SAMMSON: variants seen among roughly 807,000 people sequenced by gnomAD.
The protein encoded by SAMMSON is survival associated mitochondrial melanoma specific oncogenic non-coding RNA.
intron 2 of SAMMSON, among the ~76,000 whole-genome samples, chr3:70,419,210 T>C (rs1293476227): frequency 6.6e-6 from 1 of 151,686 alleles, no homozygotes; most frequent in Admixed American, 6.6e-5. Context: ...TTTTTTTTTC[T>C]TTTGAAGAGA....
At chr3:70,045,569 C>G (rs948034472) in intron 3 of SAMMSON, among the ~76,000 whole-genome samples, 5 of 151,560 alleles carry the variant, frequency 3.3e-5, no homozygotes, top group Admixed American at 2.6e-4. Context: ...TATATATTTT[C>G]TTAAAAATAT....
chr3:70,256,559 A>G (rs1701818379), intron 6 of SAMMSON, among the ~76,000 whole-genome samples: 2 of 152,200 alleles, frequency 1.3e-5, no homozygotes, highest in Admixed American at 1.3e-4. Flanking sequence ...AATTAATACA[A>G]TATTGGAAAA....
At chr3:70,039,688 T>A (rs1285112674) in intron 3 of SAMMSON, among the ~76,000 whole-genome samples, 1 of 151,380 alleles carries the variant, frequency 6.6e-6, no homozygotes. Context: ...AATATGCCTA[T>A]TGGAAGTCTC....
At chr3:70,142,535 G>A in intron 4 of SAMMSON, among the ~76,000 whole-genome samples, 1 of 152,044 alleles carries the variant, frequency 6.6e-6, no homozygotes, top group Non-Finnish European at 1.5e-5. Flanking sequence ...GGGACTTAGG[G>A]GGAAAGGGTG....
chr3:70,114,464 C>G (rs1365470986), intron 4 of SAMMSON, among the ~76,000 whole-genome samples: 1 of 152,158 alleles, frequency 6.6e-6, no homozygotes. Flanking sequence ...TTTATGCAAA[C>G]AGGCAATAAA....
chr3:70,395,625 G>A (rs779476488), intron 2 of SAMMSON, among the ~76,000 whole-genome samples: 3 of 152,016 alleles, frequency 2.0e-5, no homozygotes, highest in Admixed American at 6.6e-5. Flanking sequence ...TAAACTTTTT[G>A]TGACAACCCC....
intron 7 of SAMMSON, among the ~76,000 whole-genome samples, chr3:70,330,683 T>A (rs1320225041): frequency 6.6e-6 from 1 of 152,120 alleles, no homozygotes; most frequent in Non-Finnish European, 1.5e-5. Context: ...AGTAACCAAG[T>A]GAAGTATACG....
At chr3:70,390,792 A>C (rs1483664896), downstream of SAMMSON, among the ~76,000 whole-genome samples, 1 of 152,160 alleles carries the variant, frequency 6.6e-6, no homozygotes, top group African/African-American at 2.4e-5. Context: ...TTCACAGAAA[A>C]TAGTAAGGTA....
At chr3:70,182,891 G>T (rs1297755439) in intron 4 of SAMMSON, among the ~76,000 whole-genome samples, 1 of 127,292 alleles carries the variant, frequency 7.9e-6, no homozygotes, top group Non-Finnish European at 1.8e-5. Flanking sequence ...TAATTTCAAA[G>T]GACTAATGAC....
At chr3:70,425,638 C>A (rs1002771317) in intron 2 of SAMMSON, among the ~76,000 whole-genome samples, 1 of 151,822 alleles carries the variant, frequency 6.6e-6, no homozygotes. Context: ...TGGTCTCGAT[C>A]TACTGACCTC....
At chr3:70,122,323 G>T (rs781318627) in intron 4 of SAMMSON, among the ~76,000 whole-genome samples, 5 of 152,068 alleles carry the variant, frequency 3.3e-5, no homozygotes, top group Admixed American at 6.5e-5. Context: ...CTCTTGAGTA[G>T]CTGGGACTAC....
At chr3:70,122,607 A>G (rs1444033708) in intron 4 of SAMMSON, among the ~76,000 whole-genome samples, 1 of 148,564 alleles carries the variant, frequency 6.7e-6, no homozygotes, top group Non-Finnish European at 1.5e-5. Context: ...TTTAACATTA[A>G]CTGTCAATAA....
intron 7 of SAMMSON, among the ~76,000 whole-genome samples, chr3:70,301,392 C>T (rs1440640393): frequency 6.6e-6 from 1 of 152,082 alleles, no homozygotes; most frequent in Non-Finnish European, 1.5e-5. Flanking sequence ...ATTTCAAATA[C>T]AGCTAAAGAG....
intron 3 of SAMMSON, chr3:70,015,372 A>G (rs2066978888): frequency 6.6e-6 from 1 of 152,086 alleles, no homozygotes; most frequent in South Asian, 2.1e-4. Flanking sequence ...GATTTTAAAA[A>G]AAGTACTGGA....
At chr3:70,138,999 A>G (rs1251837068) in intron 4 of SAMMSON, among the ~76,000 whole-genome samples, 1 of 152,146 alleles carries the variant, frequency 6.6e-6, no homozygotes, top group African/African-American at 2.4e-5. Context: ...CTCCTGCCTT[A>G]TTTGAAATTG....
chr3:70,017,517 T>C (rs2066991318), intron 3 of SAMMSON, among the ~76,000 whole-genome samples: 1 of 152,172 alleles, frequency 6.6e-6, no homozygotes, highest in Non-Finnish European at 1.5e-5. Flanking sequence ...TATACAATCA[T>C]GTCATCTGCA....
At chr3:70,286,966 A>G (rs1254104929) in intron 6 of SAMMSON, among the ~76,000 whole-genome samples, 5 of 150,932 alleles carry the variant, frequency 3.3e-5, no homozygotes, top group East Asian at 1.9e-4. Context: ...GGCTGAGACA[A>G]TGGCGTTTTC....
chr3:70,348,305 C>G (rs1357646348), intron 7 of SAMMSON, among the ~76,000 whole-genome samples: 3 of 152,148 alleles, frequency 2.0e-5, no homozygotes, highest in African/African-American at 7.2e-5. Flanking sequence ...GGCAAAGGTT[C>G]TGTATTAGCC....
rs541956172 is a variant in SAMMSON at position 70,314,595 on chromosome 3, T to A, written n.739+23352T>A. On this transcript the variant is annotated intron_variant and non_coding_transcript_variant, in intron 7 of 9. Coordinates refer to ENST00000642114, the Ensembl canonical transcript of SAMMSON. ...GAAATTTAAGGCAAAAATATCTAGA[T>A]GAGAAAAGACAATTAAGAACCTGGA... Among the ~76,000 whole-genome samples, 4 of 152,204 alleles carry A rather than the reference T, an allele frequency of 2.6e-5. No homozygotes were observed. In the East Asian group the frequency reaches 5.8e-4, roughly 22 times the overall value.
Sources: allele counts gnomAD v4.1 joint callset (sites outside exome capture counted in the v4.1 genomes callset), GRCh38; gene constraint gnomAD v4.1.1; transcripts MANE v1.5; gene names NCBI Gene and HGNC (gene_info 2026-07-23, HGNC 2026-07-21).